TMPRSS7: variants seen among roughly 807,000 people sequenced by gnomAD.
TMPRSS7 encodes the protein transmembrane serine protease 7.
In TMPRSS7, 81 loss-of-function variants were observed where a neutral mutation model predicts 95.6. That is an observed-to-expected ratio of 0.85 (90% confidence interval 0.71 to 1.02). TMPRSS7 has a LOEUF of 1.02. Ranked by LOEUF, TMPRSS7 falls within the 50% of genes least tolerant of loss-of-function variation. The pLI, the probability that TMPRSS7 is intolerant of heterozygous loss-of-function variation, is 0.00. For missense variants in TMPRSS7, 945 were observed against 955.2 expected, an observed-to-expected ratio of 0.99 and a Z score of 0.14; for synonymous variants, 364 against 337.8, an observed-to-expected ratio of 1.08 and a Z score of -0.85.
chr3:112,038,287 A>G lies in TMPRSS7; in HGVS notation c.264A>G (p.Ala88=), dbSNP rs551444986. 7.3e-4 allele frequency: 513 copies of G among 702,930 alleles called. 2 individuals are homozygous for G. Among genetic ancestry groups the G allele is most frequent in the South Asian group, 1.0e-3 (70 of 67,594 alleles). 43.5% of individuals were successfully genotyped at this position (702,930 alleles called of 1,614,324 possible). ...TCACAGTATTTTTATTCATCCTAGC[A>G]GTCATAGCCTGGACACTTCTGTGGC... Residue 88 remains alanine, a synonymous_variant, in exon 2 of 18, where the codon GCA becomes GCG. Transcript: ENST00000452346.
intron 4 of TMPRSS7, 67 bp from the exon 5 acceptor site, chr3:112,045,683 T>C: frequency 7.0e-7 from 1 of 1,434,050 alleles, no homozygotes; most frequent in Non-Finnish European, 9.3e-7. Context: ...CTTGAATCCA[T>C]CATCTGGGTA....
intron 13 of TMPRSS7, 37 bp from the exon 14 acceptor site, chr3:112,074,259 G>A: frequency 6.8e-7 from 1 of 1,462,168 alleles, no homozygotes; most frequent in Non-Finnish European, 9.6e-7. Context: ...TTTGTTTCTG[G>A]CTAAGGAAAG....
chr3:112,075,567 A>G, intron 15 of TMPRSS7, 75 bp downstream of exon 15: 1 of 1,246,352 alleles, frequency 8.0e-7, no homozygotes, highest in Non-Finnish European at 1.0e-6. Flanking sequence ...AAATTGTGGG[A>G]AGCAGATCCC....
exon 15 of TMPRSS7, chr3:112,075,379 G>A (rs376072972): frequency 5.9e-6 from 9 of 1,518,068 alleles, no homozygotes; most frequent in African/African-American, 2.8e-5. Flanking sequence ...ACACCCTGGA[G>A]GGGGGTTGGC....
intron 10 of TMPRSS7, among the ~76,000 whole-genome samples, chr3:112,057,917 G>A (rs1038520510): frequency 1.3e-5 from 2 of 151,932 alleles, no homozygotes; most frequent in Non-Finnish European, 2.9e-5. Context: ...GTAGAGATGG[G>A]GTTTTGCCAT....
chr3:112,058,743 C>G (rs963550985), intron 10 of TMPRSS7, among the ~76,000 whole-genome samples: 1 of 152,056 alleles, frequency 6.6e-6, no homozygotes, highest in African/African-American at 2.4e-5. Flanking sequence ...TATTTTATCC[C>G]TAAATCACAA....
chr3:112,041,544 T>C (rs2073208851), intron 2 of TMPRSS7, among the ~76,000 whole-genome samples: 1 of 152,142 alleles, frequency 6.6e-6, no homozygotes, highest in Non-Finnish European at 1.5e-5. Context: ...ACTCCCTGCA[T>C]TAGGGGCTGA....
At position 112,078,733 on chromosome 3, in the gene TMPRSS7, GT is replaced by G. The variant is rs753844185; in HGVS notation, c.2225-5del. The G allele has an allele frequency of 1.2e-6, 2 of 1,614,122 alleles. No individual in the cohort carries two copies. The highest frequency in any genetic ancestry group is 2.7e-5 in the African/African-American group (2 of 75,058). ...CTAACATCATTTCTACTTCCAATGT[GT>G]TTTGCAGATAATAAAGGCTCCCTCG... On this transcript the variant is annotated splice_region_variant and splice_polypyrimidine_tract_variant and intron_variant, in intron 16 of 17. Coordinates refer to ENST00000452346, the Ensembl canonical transcript of TMPRSS7.
At chr3:112,049,558 T>C (rs1445097680) in intron 7 of TMPRSS7, among the ~76,000 whole-genome samples, 1 of 152,202 alleles carries the variant, frequency 6.6e-6, no homozygotes, top group African/African-American at 2.4e-5. Context: ...CCTTAGCCAT[T>C]AGATACACTA....
At chr3:112,079,943 C>G (rs1210957948) in intron 17 of TMPRSS7, among the ~76,000 whole-genome samples, 4 of 152,156 alleles carry the variant, frequency 2.6e-5, no homozygotes, top group Admixed American at 6.5e-5. Context: ...TAAGGGTACT[C>G]TATTTTGGGT....
intron 4 of TMPRSS7, among the ~76,000 whole-genome samples, chr3:112,044,719 G>A (rs2107738739): frequency 6.6e-6 from 1 of 152,144 alleles, no homozygotes; most frequent in Non-Finnish European, 1.5e-5. Context: ...ATAATTTTTA[G>A]AAAAAATCGT....
At chr3:112,050,091 T>C in intron 8 of TMPRSS7, 117 bp downstream of exon 8, 12 of 1,009,090 alleles carry the variant, frequency 1.2e-5, no homozygotes, top group Non-Finnish European at 1.6e-5. Flanking sequence ...GGACTCTGAA[T>C]AAAGGTCCAG....
intron 5 of TMPRSS7, 71 bp downstream of exon 5, chr3:112,046,014 AACAT>A: frequency 7.7e-7 from 1 of 1,305,474 alleles, no homozygotes; most frequent in Non-Finnish European, 1.1e-6. Context: ...GATTATAGTC[AACAT>A]TGTAATGAAG....
chr3:112,077,735 A>G (rs946638230), intron 16 of TMPRSS7, among the ~76,000 whole-genome samples: 2 of 152,278 alleles, frequency 1.3e-5, no homozygotes, highest in East Asian at 3.9e-4. Flanking sequence ...GGGAGAGGAC[A>G]TCTTTTCAAT....
Position 112,071,617 on chromosome 3 carries a change from G to A in TMPRSS7, c.1667-2679G>A, listed in dbSNP as rs141063362. On this transcript the variant is annotated intron_variant, in intron 13 of 17. Transcript: ENST00000452346. ...GTAGATTTGGTCCTTTCACATAGTC[G>A]CATATTTCTTGGAGACCTTGTTCAT... is the stretch of plus-strand genomic sequence containing the variant. 4.3e-3 allele frequency among the ~76,000 whole-genome samples: 655 copies of A among 152,162 alleles called. 24 individuals are homozygous for A. The East Asian group carries it at 0.065, about 15-fold the overall frequency.
chr3:112,051,668 C>CATCTATCTATCTATCTATCTATCTATCT (rs5851813), intron 9 of TMPRSS7, among the ~76,000 whole-genome samples: 45 of 128,066 alleles, frequency 3.5e-4, no homozygotes, highest in South Asian at 5.6e-4. Context: ...ATCTATCTAT[C>CATCTATCTATCTATCTATCTATCTATCT]ATCTATCTAT....
At chr3:112,078,980 C>A in intron 17 of TMPRSS7, 102 bp downstream of exon 17, 1 of 1,371,286 alleles carries the variant, frequency 7.3e-7, no homozygotes, top group Non-Finnish European at 9.9e-7. Flanking sequence ...GCAGGTATTT[C>A]CCTGAATTCA....
chr3:112,064,956 T>C lies in TMPRSS7; in HGVS notation c.1555+1324T>C, dbSNP rs945002566. On this transcript the variant is annotated intron_variant, in intron 12 of 17. Coordinates refer to ENST00000452346, the Ensembl canonical transcript of TMPRSS7. ...ACAATGATGATGCTATTTAATCTTT[T>C]GTGTATCCTTGGAAAAATATAGTTA... is the stretch of plus-strand genomic sequence containing the variant. Among the ~76,000 whole-genome samples, 5 of 152,230 alleles carry C rather than the reference T, an allele frequency of 3.3e-5. 1 individual carries two copies. The highest frequency in any genetic ancestry group is 3.3e-4 in the Admixed American group (5 of 15,280).
At chr3:112,059,016 A>G (rs1460314242) in intron 10 of TMPRSS7, among the ~76,000 whole-genome samples, 1 of 152,260 alleles carries the variant, frequency 6.6e-6, no homozygotes, top group Non-Finnish European at 1.5e-5. Flanking sequence ...CTGAGCAGTT[A>G]GCCTAAGGAA....
Sources: gnomAD v4.1 joint callset for allele counts (sites outside exome capture counted in the v4.1 genomes callset) on GRCh38, gnomAD v4.1.1 for gene constraint, MANE v1.5 for transcripts, NCBI Gene and HGNC (gene_info 2026-07-23, HGNC 2026-07-21) for gene names.